ADGRL1: variants seen among roughly 807,000 people sequenced by gnomAD.
ADGRL1 encodes CIRL-1.
Under a neutral mutation model 148.9 loss-of-function variants are expected in ADGRL1, and 31 were observed. The ratio of observed to expected loss-of-function variants is 0.21; its 90% CI spans 0.16 to 0.28. ADGRL1 has a LOEUF of 0.28. ADGRL1 is among the 10% of genes least tolerant of loss of function. ADGRL1 has a pLI of 1.00. For synonymous variants in ADGRL1, 937 were observed against 900.3 expected (o/e 1.04, Z -0.73); for missense variants, 1,521 against 2,058.8 (o/e 0.74, Z 5.05).
At chr19:14,158,754 A>G (rs555577070) in intron 11 of ADGRL1, among the ~76,000 whole-genome samples, 54 of 152,324 alleles carry the variant, frequency 3.5e-4, no homozygotes, top group African/African-American at 1.3e-3. Context: ...AGGCAGTTCT[A>G]AACAGCAGGG....
At chr19:14,205,459 A>G (rs1203321434) in intron 1 of ADGRL1, among the ~76,000 whole-genome samples, 1 of 150,924 alleles carries the variant, frequency 6.6e-6, no homozygotes, top group African/African-American at 2.4e-5. Flanking sequence ...AGAGAAAAAC[A>G]ACCCCCTCGC....
At chr19:14,154,885 G>A (rs1968565861) in intron 18 of ADGRL1, among the ~76,000 whole-genome samples, 1 of 152,154 alleles carries the variant, frequency 6.6e-6, no homozygotes. Flanking sequence ...CTAAAGTGCT[G>A]GGATTACAGG....
intron 4 of ADGRL1, 78 bp from the exon 5 acceptor site, chr19:14,163,484 GA>G (rs1969635207): frequency 4.6e-6 from 5 of 1,083,086 alleles, no homozygotes; most frequent in Admixed American, 2.7e-5. Context: ...GAGAGAGAGA[GA>G]GAGAGAGAGA....
Position 14,162,005 on chromosome 19 carries a change from G to T in ADGRL1, c.1196-379C>A, listed in dbSNP as rs924139976. On this transcript the variant is annotated intron_variant, in intron 5 of 22. Transcript: ENST00000361434. The surrounding 1 kb of genome is among the most constrained non-coding windows in gnomAD (Gnocchi z 5.4). ...CACCAGGTGGGGGCTGAATACCACC[G>T]CCCCCCATCCTCGTTCTAGCTGACT... 6.6e-6 allele frequency among the ~76,000 whole-genome samples: 1 copy of T among 152,022 alleles called. No individual in the cohort carries two copies. The highest frequency in any genetic ancestry group is 1.5e-5 in the Non-Finnish European group (1 of 67,980).
At chr19:14,175,804 A>C (rs1476790278) in intron 3 of ADGRL1, among the ~76,000 whole-genome samples, 1 of 152,074 alleles carries the variant, frequency 6.6e-6, no homozygotes, top group Non-Finnish European at 1.5e-5. Flanking sequence ...TAATCCCAGC[A>C]CTTAAGGGGG....
chr19:14,190,660 T>C (rs1400341558), intron 1 of ADGRL1, among the ~76,000 whole-genome samples: 5 of 152,230 alleles, frequency 3.3e-5, no homozygotes, highest in Admixed American at 6.5e-5. Context: ...ACTGCTCTAC[T>C]CTGCTTCTAC....
rs114147098 is a variant in ADGRL1, at chr19:14,159,270, G to C, written c.2024-55C>G. 1.3e-6 allele frequency: 2 copies of C among 1,599,070 alleles called. No homozygotes were observed. Among genetic ancestry groups the C allele is most frequent in the East Asian group, 2.2e-5 (1 of 44,530 alleles). ...ACAGTTGGGGTCTGTTCCCAGTCCA[G>C]GGGCTCAGGCTGCAGAACGAGACTC... On this transcript the variant is annotated intron_variant, in intron 10 of 22. Transcript: ENST00000361434. This position sits in a 1 kb window ranked among gnomAD's most constrained non-coding sequence, Gnocchi z 6.0.
At position 14,161,308 on chromosome 19, in the gene ADGRL1, T is replaced by G; in HGVS notation, c.1510+4A>C. The G allele has an allele frequency of 6.3e-7, 1 of 1,575,288 alleles. No homozygotes were observed. The highest frequency in any genetic ancestry group is 8.6e-7 in the Non-Finnish European group (1 of 1,165,956). ...CCTCCCCTGGCTGCAGCCTCTGTAC[T>G]CACCTCGAGTCCCCTTGGGGCAGGG... On this transcript the variant is annotated splice_donor_region_variant and intron_variant, in intron 6 of 22. Coordinates refer to ENST00000361434, the MANE Select transcript of ADGRL1 (RefSeq NM_014921.5). The surrounding 1 kb of genome is among the most constrained non-coding windows in gnomAD (Gnocchi z 4.4).
intron 1 of ADGRL1, among the ~76,000 whole-genome samples, chr19:14,196,679 G>A (rs1466661908): frequency 1.3e-5 from 2 of 152,092 alleles, no homozygotes; most frequent in African/African-American, 4.8e-5. Context: ...TTCTGCCTTA[G>A]GGCCTCTTCA....
intron 2 of ADGRL1, among the ~76,000 whole-genome samples, chr19:14,182,658 G>A (rs1210759956): frequency 1.3e-5 from 2 of 152,228 alleles, no homozygotes; most frequent in Admixed American, 6.5e-5. Context: ...GGGAGGGAGG[G>A]CCGGGGGTGG....
rs373044942 is a variant in ADGRL1 at position 14,150,929 on chromosome 19, G to C, written c.4354C>G (p.Leu1452Val). ...SHEGYLAAPG[L>V]EGPGPDGDGQ... ...TCCCCATCGGGCCCTGGCCCCTCAAGGCCTGGGGCTGCCAGGTAGCCCTCG... is the reference window on the plus strand; with the variant it reads ...TCCCCATCGGGCCCTGGCCCCTCAACGCCTGGGGCTGCCAGGTAGCCCTCG... The change falls in exon 23 of 23, where the codon CTT (leucine) becomes GTT (valine). Residue 1452 changes from leucine (L) to valine (V), a missense_variant. Coordinates refer to ENST00000361434, the MANE Select transcript of ADGRL1 (RefSeq NM_014921.5). 43 of 1,611,524 alleles carry C rather than the reference G, an allele frequency of 2.7e-5. No homozygotes were observed. The highest frequency in any genetic ancestry group is 8.0e-5 in the African/African-American group (6 of 74,888).
intron 4 of ADGRL1, among the ~76,000 whole-genome samples, chr19:14,163,630 C>T (rs1028876724): frequency 3.2e-4 from 49 of 152,140 alleles, no homozygotes; most frequent in African/African-American, 1.2e-3. Flanking sequence ...ACCCCCTCCC[C>T]ACGCCCTGCC....
chr19:14,151,065 T>TGGGGGAGGGGGGG lies in ADGRL1; in HGVS notation c.4217_4218insCCCCCCCTCCCCC (p.Pro1409SerfsTer38). On this transcript the variant is annotated frameshift_variant, in exon 23 of 23. Transcript: ENST00000361434. LOFTEE classifies it high-confidence loss of function. Reference sequence around the variant, plus strand: ...GGGGGCCGGGGGGTGCGGGAGGGGGTGGGGGCAGGGCCTCACTGGGCCCCT... The same window carrying TGGGGGAGGGGGGG: ...GGGGGCCGGGGGGTGCGGGAGGGGGTGGGGGAGGGGGGGGGGGGCAGGGCCTCACTGGGCCCCT... 4.4e-6 allele frequency: 1 copy of TGGGGGAGGGGGGG among 227,604 alleles called. No homozygotes were observed. The highest frequency in any genetic ancestry group is 6.6e-6 in the Non-Finnish European group (1 of 151,986). The allele number at this position is 227,604 out of a possible 1,614,324, so 14.1% of individuals were successfully genotyped here. A position where few individuals can be genotyped will look rare whatever the true frequency, so the allele number is the denominator to read the frequency against.
At position 14,161,397 on chromosome 19, in the gene ADGRL1, G is replaced by A. The variant is rs80302075; in HGVS notation, c.1425C>T (p.Cys475=). Reference sequence around the variant, plus strand: ...GGACCCGCCGTACCTCTCGGGGCTCGCAGAAGAGCTCAGGGGACACGTGTA... The same window carrying A: ...GGACCCGCCGTACCTCTCGGGGCTCACAGAAGAGCTCAGGGGACACGTGTA... ...PNLHVSPELF[C]EPREVRRVQW... Residue 475 remains cysteine, a synonymous_variant, in exon 6 of 23, where the codon TGC becomes TGT. Coordinates refer to ENST00000361434, the MANE Select transcript of ADGRL1 (RefSeq NM_014921.5). The surrounding 1 kb of genome is among the most constrained non-coding windows in gnomAD (Gnocchi z 4.4). 1.6e-3 allele frequency: 2,567 copies of A among 1,581,446 alleles called. 36 individuals carry two copies. The African/African-American group carries it at 0.03, about 18-fold the overall frequency.
chr19:14,189,607 A>C (rs565108718), intron 1 of ADGRL1, among the ~76,000 whole-genome samples: 7 of 152,246 alleles, frequency 4.6e-5, no homozygotes, highest in Admixed American at 4.6e-4. Flanking sequence ...TCCGAGCTTC[A>C]TTCCGTTTTA....
chr19:14,158,077 T>C, intron 12 of ADGRL1, 25 bp from the exon 13 acceptor site: 2 of 1,612,380 alleles, frequency 1.2e-6, no homozygotes, highest in Non-Finnish European at 1.7e-6. Context: ...CACCAGGGTG[T>C]CATAACTAGA....
intron 16 of ADGRL1, 76 bp downstream of exon 16, chr19:14,156,582 C>CG: frequency 1.2e-6 from 1 of 855,550 alleles, no homozygotes; most frequent in Non-Finnish European, 1.6e-6. Context: ...GGGTGGGGGG[C>CG]GGGGGCAGGG....
intron 2 of ADGRL1, among the ~76,000 whole-genome samples, chr19:14,178,699 C>T (rs1201352318): frequency 1.3e-5 from 2 of 152,072 alleles, no homozygotes; most frequent in African/African-American, 4.8e-5. Flanking sequence ...TACATTGTTT[C>T]ATAGAAATGG....
rs1969233483 is a variant in ADGRL1, at chr19:14,160,394, T to A, written c.1615-97A>T. 8.6e-7 allele frequency: 1 copy of A among 1,165,074 alleles called. No individual in the cohort carries two copies. Among genetic ancestry groups the A allele is most frequent in the Admixed American group, 2.4e-5 (1 of 41,728 alleles). The allele number at this position is 1,165,074 out of a possible 1,614,324, so 72.2% of individuals were successfully genotyped here. ...TGGCCTGTGCAGCCTCTCCTATCTCTCTCTCCACTTCCCCATCGCCATCTG... is the reference window on the plus strand; with the variant it reads ...TGGCCTGTGCAGCCTCTCCTATCTCACTCTCCACTTCCCCATCGCCATCTG... On this transcript the variant is annotated intron_variant, in intron 7 of 22. Coordinates refer to ENST00000361434, the MANE Select transcript of ADGRL1 (RefSeq NM_014921.5). The surrounding 1 kb of genome is among the most constrained non-coding windows in gnomAD (Gnocchi z 5.9).
Sources: allele counts gnomAD v4.1 joint callset (sites outside exome capture counted in the v4.1 genomes callset), GRCh38; gene constraint gnomAD v4.1.1; non-coding constraint Gnocchi (gnomAD v3.1); transcripts MANE v1.5; gene names NCBI Gene and HGNC (gene_info 2026-07-23, HGNC 2026-07-21).